Variants in NSF observed in about 807,000 individuals in gnomAD.
NSF encodes the protein vesicle-fusing ATPase.
In NSF, 14 loss-of-function variants were observed where a neutral mutation model predicts 50.3. The ratio of observed to expected loss-of-function variants is 0.28; its 90% CI spans 0.18 to 0.44. NSF has a LOEUF of 0.44. NSF is among the 20% of genes least tolerant of loss of function. NSF has a pLI of 1.00. For missense variants in NSF, 218 were observed against 504.3 expected (o/e 0.43, Z 5.44); for synonymous variants, 109 against 175.7 (o/e 0.62, Z 3.00).
At chr17:46,726,393 C>T (rs543761989) in intron 15 of NSF, among the ~76,000 whole-genome samples, 156 bp from the exon 16 acceptor site, 55 of 152,288 alleles carry the variant, frequency 3.6e-4, no homozygotes, top group African/African-American at 1.2e-3. Context: ...CTCTGTTCAG[C>T]GGTGATCCAG....
intron 20 of NSF, chr17:46,755,580 T>A (rs1365852254): frequency 2.9e-6 from 2 of 684,970 alleles, no homozygotes; most frequent in Non-Finnish European, 4.9e-6. Flanking sequence ...CTTGTCACAA[T>A]GCAGGAAAAA....
chr17:46,679,092 C>T (rs1290557213), intron 9 of NSF, among the ~76,000 whole-genome samples: 1 of 151,970 alleles, frequency 6.6e-6, no homozygotes, highest in Non-Finnish European at 1.5e-5. Context: ...TTTAACAACA[C>T]ATGCTTGGGT....
At chr17:46,741,770 T>TTTA (rs1568057623) in intron 17 of NSF, among the ~76,000 whole-genome samples, 1 of 151,604 alleles carries the variant, frequency 6.6e-6, no homozygotes, top group Non-Finnish European at 1.5e-5. Context: ...GGTTTTTGTT[T>TTTA]TTGTTGTTGT....
chr17:46,605,349 G>A (rs1337042967), intron 1 of NSF, among the ~76,000 whole-genome samples: 2 of 109,922 alleles, frequency 1.8e-5, no homozygotes, highest in Non-Finnish European at 3.8e-5. Context: ...TCAGGAGGCT[G>A]AGGCAGGAGA....
At chr17:46,598,636 G>A (rs1183660753) in intron 1 of NSF, among the ~76,000 whole-genome samples, 2 of 152,026 alleles carry the variant, frequency 1.3e-5, no homozygotes, top group East Asian at 3.9e-4. Flanking sequence ...AAAATTTGTC[G>A]AATCTAGTGT....
At chr17:46,622,439 C>T (rs2058075558) in intron 1 of NSF, among the ~76,000 whole-genome samples, 1 of 149,954 alleles carries the variant, frequency 6.7e-6, no homozygotes, top group African/African-American at 2.5e-5. Flanking sequence ...GCCTGGGTGA[C>T]AGAGTGAGAC....
intron 17 of NSF, among the ~76,000 whole-genome samples, chr17:46,729,477 A>C (rs781734433): frequency 6.6e-6 from 1 of 152,094 alleles, no homozygotes; most frequent in African/African-American, 2.4e-5. Flanking sequence ...ATTTTTACTG[A>C]TGTGGCTATT....
intron 4 of NSF, among the ~76,000 whole-genome samples, chr17:46,633,409 AT>A (rs2058152189): frequency 9.7e-6 from 1 of 102,664 alleles, no homozygotes. Context: ...TACCTGGCTA[AT>A]TTTTTAATTT....
intron 17 of NSF, among the ~76,000 whole-genome samples, chr17:46,746,644 A>G (rs1343657984): frequency 6.6e-6 from 1 of 152,144 alleles, no homozygotes; most frequent in Non-Finnish European, 1.5e-5. Flanking sequence ...TCATTTTCCA[A>G]GTAAACTTTT....
At chr17:46,738,770 G>A (rs1289987156) in intron 17 of NSF, among the ~76,000 whole-genome samples, 2 of 152,216 alleles carry the variant, frequency 1.3e-5, no homozygotes, top group Non-Finnish European at 2.9e-5. Context: ...ATTAAGGCAG[G>A]CAACCACCAG....
At chr17:46,704,909 C>T (rs1475378574) in intron 13 of NSF, 55 bp downstream of exon 13, 2 of 1,554,208 alleles carry the variant, frequency 1.3e-6, no homozygotes, top group Non-Finnish European at 1.7e-6. Context: ...AATAATAACT[C>T]AGGCGAAAAG....
intron 15 of NSF, among the ~76,000 whole-genome samples, chr17:46,722,995 T>A (rs765017526): frequency 5.3e-5 from 8 of 152,204 alleles, no homozygotes; most frequent in Non-Finnish European, 1.0e-4. Context: ...CTGCTGCAGG[T>A]ATTTTTCCTC....
chr17:46,612,255 GGAAGTA>G (rs1433881214), intron 1 of NSF, among the ~76,000 whole-genome samples: 2 of 88,734 alleles, frequency 2.3e-5, no homozygotes, highest in Admixed American at 2.7e-4. Flanking sequence ...GTTTTGATAA[GGAAGTA>G]GAGAAATTGG....
chr17:46,755,748 TAG>T, intron 20 of NSF, 52 bp from the exon 21 acceptor site: 2 of 1,370,338 alleles, frequency 1.5e-6, no homozygotes, highest in South Asian at 1.3e-5. Flanking sequence ...TTTTGATGAA[TAG>T]TTTTTTACGG....
intron 17 of NSF, among the ~76,000 whole-genome samples, chr17:46,729,338 T>C (rs1270627869): frequency 6.6e-6 from 1 of 152,184 alleles, no homozygotes; most frequent in African/African-American, 2.4e-5. Context: ...TTTATGGGGA[T>C]ATTTAAGTTT....
chr17:46,690,629 A>ATG (rs2058539057), intron 9 of NSF, among the ~76,000 whole-genome samples: 1 of 131,968 alleles, frequency 7.6e-6, no homozygotes, highest in Non-Finnish European at 1.6e-5. Flanking sequence ...AAAAAAATAT[A>ATG]TATATATATA....
intron 15 of NSF, among the ~76,000 whole-genome samples, chr17:46,716,823 C>T (rs1286861207): frequency 1.3e-5 from 2 of 152,154 alleles, no homozygotes; most frequent in Non-Finnish European, 2.9e-5. Context: ...TACCCCCTCC[C>T]TTATATATTG....
At chr17:46,716,095 C>T (rs542102159) in intron 15 of NSF, among the ~76,000 whole-genome samples, 3 of 152,204 alleles carry the variant, frequency 2.0e-5, no homozygotes, top group African/African-American at 4.8e-5. Context: ...AAATATTTCC[C>T]TGCAAATAGT....
intron 20 of NSF, 78 bp from the exon 21 acceptor site, chr17:46,755,724 T>A (rs1376265645): frequency 9.2e-5 from 26 of 282,774 alleles, no homozygotes; most frequent in Non-Finnish European, 1.1e-4. Context: ...TTTTAGTGAT[T>A]TTTTTTTTTT....
Sources: gnomAD v4.1 joint callset for allele counts (sites outside exome capture counted in the v4.1 genomes callset) on GRCh38, gnomAD v4.1.1 for gene constraint, MANE v1.5 for transcripts, NCBI Gene and HGNC (gene_info 2026-07-23, HGNC 2026-07-21) for gene names.